The following CACUL1 variants were observed in gnomAD, a reference collection of about 807,000 sequenced individuals.
CACUL1 encodes CDK2 associated cullin domain 1, also known as CDK2-associated and cullin domain-containing protein 1.
Under a neutral mutation model 45.2 loss-of-function variants are expected in CACUL1, and 13 were observed. The observed-to-expected ratio is 0.29, with a 90% CI of 0.19 to 0.46. The LOEUF is 0.46. Among genes scored for constraint, CACUL1 ranks in the 20% least tolerant of loss-of-function variants. The pLI is 1.00. For synonymous variants in CACUL1, 197 were observed against 174.2 expected (o/e 1.13, Z -1.03); for missense variants, 421 against 471.4 (o/e 0.89, Z 0.99).
chr10:118,706,021 G>C (rs536177507), intron 4 of CACUL1, among the ~76,000 whole-genome samples: 1 of 152,110 alleles, frequency 6.6e-6, no homozygotes, highest in Non-Finnish European at 1.5e-5. Flanking sequence ...TTTGAAGTTC[G>C]TTTATTCTTA....
chr10:118,718,710 C>T (rs1167214151), intron 3 of CACUL1, among the ~76,000 whole-genome samples: 1 of 152,122 alleles, frequency 6.6e-6, no homozygotes, highest in Non-Finnish European at 1.5e-5. Context: ...AGTACCTGGG[C>T]CTATAGGCGC....
At chr10:118,750,048 C>T (rs905755545) in intron 1 of CACUL1, among the ~76,000 whole-genome samples, 2 of 152,294 alleles carry the variant, frequency 1.3e-5, no homozygotes, top group Non-Finnish European at 2.9e-5. Flanking sequence ...AAAGGAGGGC[C>T]GGGCGTGGTG....
intron 3 of CACUL1, among the ~76,000 whole-genome samples, chr10:118,714,428 G>A (rs369710990): frequency 1.4e-4 from 21 of 152,242 alleles, no homozygotes; most frequent in African/African-American, 4.6e-4. Flanking sequence ...TAAGTATTGG[G>A]AAGCTATCAA....
chr10:118,691,218 A>T (rs1302077879), intron 7 of CACUL1, 47 bp downstream of exon 7: 1 of 1,550,348 alleles, frequency 6.5e-7, no homozygotes, highest in East Asian at 2.3e-5. Flanking sequence ...AGACTGGCCT[A>T]GGGAAATGGA....
chr10:118,719,627 C>T (rs187438756), intron 3 of CACUL1, among the ~76,000 whole-genome samples: 274 of 152,196 alleles, frequency 1.8e-3, no homozygotes, highest in East Asian at 6.0e-3. Flanking sequence ...GCCTGACCAA[C>T]GTGGAGAAAT....
At chr10:118,720,442 T>A (rs1311924022) in intron 3 of CACUL1, among the ~76,000 whole-genome samples, 1 of 152,224 alleles carries the variant, frequency 6.6e-6, no homozygotes, top group Admixed American at 6.5e-5. Context: ...AGGAAACCTT[T>A]TTCCTTTTCT....
chr10:118,698,047 G>A (rs1845339247), intron 5 of CACUL1, among the ~76,000 whole-genome samples: 1 of 152,072 alleles, frequency 6.6e-6, no homozygotes, highest in African/African-American at 2.4e-5. Flanking sequence ...ATAATATGGG[G>A]CAATCAAGAA....
chr10:118,754,963 G>T lies in CACUL1; in HGVS notation c.-201C>A. On this transcript the variant is annotated 5_prime_UTR_variant, in exon 1 of 9. Coordinates refer to ENST00000369151, the MANE Select transcript of CACUL1 (RefSeq NM_153810.5). ...CGCGGCTGACGGCGGTGGGCGCTCC[G>T]GGGCTCTAGTCTGGGAGAGGCAGCC... 1.6e-6 allele frequency: 1 copy of T among 610,540 alleles called. No individual in the cohort carries two copies. Among genetic ancestry groups the T allele is most frequent in the Non-Finnish European group, 2.6e-6 (1 of 382,086 alleles). The allele number at this position is 610,540 out of a possible 1,614,324, so 37.8% of individuals were successfully genotyped here. A position where few individuals can be genotyped will look rare whatever the true frequency, so the allele number is the denominator to read the frequency against.
Position 118,680,139 on chromosome 10 carries a change from T to TTCATTCTACTATC in CACUL1, c.*5976_*5988dup, listed in dbSNP as rs1426262131. On this transcript the variant is annotated 3_prime_UTR_variant, in exon 9 of 9. Coordinates refer to ENST00000369151, the MANE Select transcript of CACUL1 (RefSeq NM_153810.5). ...TCAGGTTCTATTAATATGTGTGATA[T>TTCATTCTACTATC]TCATTCTACTATCATGCTTTTTGAT... 6.6e-6 allele frequency: 1 copy of TTCATTCTACTATC among 152,184 alleles called. No homozygotes were observed. Among genetic ancestry groups the TTCATTCTACTATC allele is most frequent in the African/African-American group, 2.4e-5 (1 of 41,434 alleles). The allele number at this position is 152,184 out of a possible 1,614,324, so 9.4% of individuals were successfully genotyped here.
At chr10:118,722,917 G>A (rs754193223) in intron 3 of CACUL1, among the ~76,000 whole-genome samples, 2 of 152,088 alleles carry the variant, frequency 1.3e-5, no homozygotes, top group Non-Finnish European at 2.9e-5. Context: ...CAACCCAGAA[G>A]TTACCACCCT....
At chr10:118,713,767 A>C (rs955797431) in intron 3 of CACUL1, among the ~76,000 whole-genome samples, 1 of 152,156 alleles carries the variant, frequency 6.6e-6, no homozygotes, top group Non-Finnish European at 1.5e-5. Flanking sequence ...CTTTATACAC[A>C]AATGCTAAGG....
intron 3 of CACUL1, among the ~76,000 whole-genome samples, chr10:118,718,864 C>T (rs1406491923): frequency 1.3e-5 from 2 of 152,354 alleles, no homozygotes; most frequent in East Asian, 1.9e-4. Flanking sequence ...TGAGCCACCG[C>T]GCCCGGCCAA....
intron 6 of CACUL1, among the ~76,000 whole-genome samples, chr10:118,692,095 T>A (rs1845277469): frequency 6.6e-6 from 1 of 151,922 alleles, no homozygotes; most frequent in Non-Finnish European, 1.5e-5. Context: ...TAAAACAATA[T>A]ATAGCCCAAG....
chr10:118,709,357 G>A (rs1845463556), intron 3 of CACUL1, among the ~76,000 whole-genome samples: 1 of 152,182 alleles, frequency 6.6e-6, no homozygotes, highest in Non-Finnish European at 1.5e-5. Flanking sequence ...TTTTACAGAA[G>A]TGCATCCATG....
At chr10:118,750,239 T>C (rs778661233) in intron 1 of CACUL1, among the ~76,000 whole-genome samples, 2 of 152,088 alleles carry the variant, frequency 1.3e-5, no homozygotes, top group Non-Finnish European at 2.9e-5. Flanking sequence ...GGCAGGAGAA[T>C]TGCTTGAATC....
intron 7 of CACUL1, among the ~76,000 whole-genome samples, chr10:118,690,754 A>T (rs1476096349): frequency 6.6e-6 from 1 of 152,222 alleles, no homozygotes; most frequent in Non-Finnish European, 1.5e-5. Context: ...TCCCTTCTTC[A>T]AAATGTATGG....
chr10:118,710,203 G>A (rs978278403), intron 3 of CACUL1, among the ~76,000 whole-genome samples: 2 of 151,924 alleles, frequency 1.3e-5, no homozygotes, highest in African/African-American at 2.4e-5. Context: ...TGGGATTACA[G>A]GTGTGAGCCA....
intron 6 of CACUL1, 62 bp downstream of exon 6, chr10:118,695,079 T>G: frequency 9.9e-7 from 1 of 1,012,354 alleles, no homozygotes; most frequent in Non-Finnish European, 1.6e-6. Context: ...ACAGAACCAC[T>G]GCCCTCTTGG....
At chr10:118,696,698 C>T (rs1050293077) in intron 5 of CACUL1, among the ~76,000 whole-genome samples, 2 of 152,208 alleles carry the variant, frequency 1.3e-5, no homozygotes, top group African/African-American at 2.4e-5. Flanking sequence ...CATACTAGGC[C>T]GCATGCGGCC....
Sources: gnomAD v4.1 joint callset for allele counts (sites outside exome capture counted in the v4.1 genomes callset) on GRCh38, gnomAD v4.1.1 for gene constraint, MANE v1.5 for transcripts, NCBI Gene and HGNC (gene_info 2026-07-23, HGNC 2026-07-21) for gene names.